The following DPYSL5 variants were observed in gnomAD, a reference collection of about 807,000 sequenced individuals.
The protein encoded by DPYSL5 is dihydropyrimidinase-related protein 5.
DPYSL5 carries 9 observed loss-of-function variants against 58.4 expected under a neutral mutation model. The observed-to-expected ratio is 0.15, with a 90% CI of 0.09 to 0.27. The LOEUF is 0.27. Among genes scored for constraint, DPYSL5 ranks in the 10% least tolerant of loss-of-function variants. DPYSL5 has a pLI of 1.00. For missense variants in DPYSL5, 499 were observed against 770.6 expected, an observed-to-expected ratio of 0.65 and a Z score of 4.17; for synonymous variants, 293 against 301.9, an observed-to-expected ratio of 0.97 and a Z score of 0.31.
intron 1 of DPYSL5, among the ~76,000 whole-genome samples, chr2:26,888,033 G>A: frequency 6.6e-6 from 1 of 152,186 alleles, no homozygotes; most frequent in East Asian, 1.9e-4. Flanking sequence ...TGCTTGCAGT[G>A]TGACACCTTC....
intron 2 of DPYSL5, among the ~76,000 whole-genome samples, chr2:26,901,898 C>G (rs557615892): frequency 7.9e-5 from 12 of 151,988 alleles, no homozygotes; most frequent in Non-Finnish European, 2.9e-5. Flanking sequence ...TACTTGACCT[C>G]CAGGGATTTC....
chr2:26,909,305 C>T (rs1384740782), intron 2 of DPYSL5, among the ~76,000 whole-genome samples: 1 of 152,164 alleles, frequency 6.6e-6, no homozygotes, highest in African/African-American at 2.4e-5. Flanking sequence ...ATATTGCACA[C>T]ACATCACACA....
chr2:26,934,604 A>C lies in DPYSL5; in HGVS notation c.817A>C (p.Thr273Pro). 6.2e-7 allele frequency: 1 copy of C among 1,613,200 alleles called. No individual in the cohort carries two copies. The highest frequency in any genetic ancestry group is 8.5e-7 in the Non-Finnish European group (1 of 1,179,972). Residue 273 changes from threonine to proline, a missense_variant, in exon 8 of 13, where the codon ACT becomes CCT. Coordinates refer to ENST00000288699, the MANE Select transcript of DPYSL5 (RefSeq NM_020134.4). This position sits in a 1 kb window ranked among gnomAD's most constrained non-coding sequence, Gnocchi z 4.3. ...QGKVVLAETT[T>P]AHATLTGLHY... ...GAAGGTTGTGCTGGCGGAGACCACCACTGCACATGCCACGCTGACAGGCTT... is the reference window on the plus strand; with the variant it reads ...GAAGGTTGTGCTGGCGGAGACCACCCCTGCACATGCCACGCTGACAGGCTT...
chr2:26,928,721 A>ACACACACACACACACACACACACC (rs1664893498), intron 5 of DPYSL5, among the ~76,000 whole-genome samples: 1 of 85,770 alleles, frequency 1.2e-5, no homozygotes, highest in African/African-American at 4.4e-5. Flanking sequence ...ACACACATAC[A>ACACACACACACACACACACACACC]TATATATACG....
At position 26,849,812 on chromosome 2, in the gene DPYSL5, G is replaced by T. The variant is rs1309142135; in HGVS notation, c.-5+1558G>T. ...GGTTTTATGGGGGCCTGGCCACGCC[G>T]GGAATCCCGTGTGGGAGGCGCTCCC... On this transcript the variant is annotated intron_variant, in intron 1 of 12. Transcript: ENST00000288699. The surrounding 1 kb of genome is among the most constrained non-coding windows in gnomAD (Gnocchi z 6.2). Among the ~76,000 whole-genome samples the T allele has an allele frequency of 6.6e-6, 1 of 152,220 alleles. No individual in the cohort carries two copies. The highest frequency in any genetic ancestry group is 1.5e-5 in the Non-Finnish European group (1 of 68,026).
intron 1 of DPYSL5, among the ~76,000 whole-genome samples, chr2:26,863,735 C>T (rs1362693693): frequency 6.6e-6 from 1 of 152,134 alleles, no homozygotes; most frequent in Non-Finnish European, 1.5e-5. Flanking sequence ...CCATCTCTTC[C>T]CCAACCCTCC....
intron 1 of DPYSL5, among the ~76,000 whole-genome samples, chr2:26,895,814 T>C (rs1664004157): frequency 6.9e-6 from 1 of 144,546 alleles, no homozygotes; most frequent in South Asian, 2.3e-4. Flanking sequence ...GGCGTCTCGC[T>C]GTGTCGCCCA....
intron 2 of DPYSL5, among the ~76,000 whole-genome samples, chr2:26,909,866 C>G (rs924183164): frequency 4.0e-5 from 6 of 151,376 alleles, no homozygotes; most frequent in African/African-American, 7.3e-5. Context: ...GGGAAGCCAC[C>G]TTTAAAAAAA....
At chr2:26,858,613 C>G (rs1382975355) in intron 1 of DPYSL5, among the ~76,000 whole-genome samples, 1 of 151,658 alleles carries the variant, frequency 6.6e-6, no homozygotes, top group East Asian at 1.9e-4. Flanking sequence ...CTCTGTCACC[C>G]AGGCTAGAGT....
chr2:26,897,648 G>A (rs1664052342), intron 1 of DPYSL5, among the ~76,000 whole-genome samples: 1 of 152,108 alleles, frequency 6.6e-6, no homozygotes, highest in African/African-American at 2.4e-5. Flanking sequence ...TCTGGTTTTT[G>A]GTATAAGGCT....
At chr2:26,945,206 C>G (rs1288696614) in intron 12 of DPYSL5, among the ~76,000 whole-genome samples, 1 of 152,018 alleles carries the variant, frequency 6.6e-6, no homozygotes, top group South Asian at 2.1e-4. Flanking sequence ...TTCGCCCACC[C>G]CAGCCCACTC....
rs1399101105 is a variant in DPYSL5 at position 26,933,351 on chromosome 2, GCT to G, written c.790+19_790+20del. The G allele has an allele frequency of 6.2e-7, 1 of 1,611,784 alleles. No homozygotes were observed. The highest frequency in any genetic ancestry group is 1.3e-5 in the African/African-American group (1 of 74,876). ...GATGCAAGGTGAGTCCATAGACTTG[GCT>G]GGACAGAGCAGGTCAAGTGGAGGGA... On this transcript the variant is annotated intron_variant, in intron 7 of 12. Coordinates refer to ENST00000288699, the MANE Select transcript of DPYSL5 (RefSeq NM_020134.4). This position sits in a 1 kb window ranked among gnomAD's most constrained non-coding sequence, Gnocchi z 4.2.
intron 1 of DPYSL5, among the ~76,000 whole-genome samples, chr2:26,856,081 A>T (rs544570415): frequency 1.3e-5 from 2 of 152,006 alleles, no homozygotes; most frequent in South Asian, 2.1e-4. Flanking sequence ...GGTGCATTTT[A>T]AAAAAAACTA....
rs1665358055 is a variant in DPYSL5, at chr2:26,942,747, G to A, written c.1437G>A (p.Glu479=). 1 of 1,613,494 alleles carries A rather than the reference G, an allele frequency of 6.2e-7. No individual in the cohort carries two copies. The highest frequency in any genetic ancestry group is 1.1e-5 in the South Asian group (1 of 91,056). ...DTVYKKLVQR[E]KTLKVRGVDR... is the part of the protein sequence containing the mutation. ...TCTACAAGAAGCTGGTCCAGAGAGA[G>A]AAGGTGAGGTGGGAGGAGGAAGATG... Residue 479 remains glutamate (E), a synonymous_variant, in exon 11 of 13, where the codon GAG becomes GAA. Transcript: ENST00000288699. The surrounding 1 kb of genome is among the most constrained non-coding windows in gnomAD (Gnocchi z 5.9).
chr2:26,904,427 A>T (rs1016618822), intron 2 of DPYSL5, among the ~76,000 whole-genome samples: 2 of 151,956 alleles, frequency 1.3e-5, no homozygotes, highest in Non-Finnish European at 2.9e-5. Context: ...TTCTGGCCAA[A>T]ATTTCTTTCC....
chr2:26,932,201 A>AAGACAGAC (rs1429605162), intron 6 of DPYSL5, among the ~76,000 whole-genome samples: 3 of 58,812 alleles, frequency 5.1e-5, no homozygotes, highest in Non-Finnish European at 8.0e-5. Flanking sequence ...GAAAGAAAGA[A>AAGACAGAC]AGAAAGAAAA....
At chr2:26,876,635 C>T (rs1663416137) in intron 1 of DPYSL5, among the ~76,000 whole-genome samples, 1 of 152,132 alleles carries the variant, frequency 6.6e-6, no homozygotes, top group Admixed American at 6.5e-5. Context: ...CCTGCCTCCG[C>T]CTCCCGAGTA....
intron 1 of DPYSL5, among the ~76,000 whole-genome samples, chr2:26,888,928 T>C (rs1167585595): frequency 3.3e-5 from 5 of 152,126 alleles, no homozygotes; most frequent in Non-Finnish European, 5.9e-5. Flanking sequence ...TGAGGGTTGC[T>C]GTTGAGGGCT....
At chr2:26,866,731 T>C (rs886799541) in intron 1 of DPYSL5, among the ~76,000 whole-genome samples, 1 of 144,400 alleles carries the variant, frequency 6.9e-6, no homozygotes, top group East Asian at 1.9e-4. Context: ...AAATTCTTCT[T>C]CTTTTTTTTT....
Sources: allele counts gnomAD v4.1 joint callset (sites outside exome capture counted in the v4.1 genomes callset), GRCh38; gene constraint gnomAD v4.1.1; non-coding constraint Gnocchi (gnomAD v3.1); transcripts MANE v1.5; gene names NCBI Gene and HGNC (gene_info 2026-07-23, HGNC 2026-07-21).